The following MBD5 variants were observed in gnomAD, a reference collection of about 807,000 sequenced individuals.
MBD5 encodes methyl-CpG-binding domain protein 5.
In MBD5, 13 loss-of-function variants were observed where a neutral mutation model predicts 117.3. The observed-to-expected ratio is 0.11, with a 90% CI of 0.07 to 0.18. MBD5 has a LOEUF of 0.18. Among genes scored for constraint, MBD5 ranks in the 10% least tolerant of loss-of-function variants. The pLI is 1.00. For missense variants in MBD5, 1,879 were observed against 2,093.8 expected, an observed-to-expected ratio of 0.90 and a Z score of 2.00; for synonymous variants, 727 against 766.4, an observed-to-expected ratio of 0.95 and a Z score of 0.85.
At chr2:148,041,685 G>A (rs756949046) in intron 1 of MBD5, among the ~76,000 whole-genome samples, 2 of 152,066 alleles carry the variant, frequency 1.3e-5, no homozygotes, top group Non-Finnish European at 2.9e-5. Flanking sequence ...ACAAACACTC[G>A]TTATTCTAAA....
chr2:148,414,418 A>C (rs1705359800), intron 4 of MBD5, among the ~76,000 whole-genome samples: 1 of 152,150 alleles, frequency 6.6e-6, no homozygotes, highest in African/African-American at 2.4e-5. Flanking sequence ...CCATGTGCAT[A>C]TGAGAAGAAT....
chr2:148,179,370 A>G (rs962752573), intron 2 of MBD5, among the ~76,000 whole-genome samples: 3 of 151,766 alleles, frequency 2.0e-5, no homozygotes, highest in Non-Finnish European at 4.4e-5. Flanking sequence ...AAAAAAAAAA[A>G]GTAACTTCTA....
chr2:148,408,971 T>C (rs946243230), intron 4 of MBD5, among the ~76,000 whole-genome samples: 1 of 152,182 alleles, frequency 6.6e-6, no homozygotes, highest in Non-Finnish European at 1.5e-5. Flanking sequence ...GCAAATACTA[T>C]GTAATTTTAT....
At chr2:148,137,891 C>T (rs1697209661) in intron 1 of MBD5, among the ~76,000 whole-genome samples, 1 of 152,152 alleles carries the variant, frequency 6.6e-6, no homozygotes, top group South Asian at 2.1e-4. Context: ...TGGGCTGTGT[C>T]ATATAGCCTA....
intron 3 of MBD5, among the ~76,000 whole-genome samples, chr2:148,238,285 C>A (rs1174693240): frequency 6.6e-6 from 1 of 151,998 alleles, no homozygotes; most frequent in Admixed American, 6.6e-5. Flanking sequence ...AACATTATAC[C>A]AATGGTTATT....
chr2:148,085,100 C>A (rs1170483981), intron 1 of MBD5, among the ~76,000 whole-genome samples: 1 of 152,128 alleles, frequency 6.6e-6, no homozygotes, highest in Non-Finnish European at 1.5e-5. Flanking sequence ...AACAACACAG[C>A]AGGTTATGCC....
At chr2:148,168,710 T>A (rs1161275041) in intron 1 of MBD5, among the ~76,000 whole-genome samples, 1 of 151,904 alleles carries the variant, frequency 6.6e-6, no homozygotes, top group African/African-American at 2.4e-5. Flanking sequence ...GCTATTACAC[T>A]CCAGCCTGGG....
At chr2:148,050,805 A>C (rs1694678723) in intron 1 of MBD5, among the ~76,000 whole-genome samples, 1 of 152,104 alleles carries the variant, frequency 6.6e-6, no homozygotes, top group East Asian at 1.9e-4. Flanking sequence ...TGATTACTGT[A>C]GCTTTGTGTA....
At chr2:148,072,509 TTTA>T (rs1483258830) in intron 1 of MBD5, among the ~76,000 whole-genome samples, 1 of 152,228 alleles carries the variant, frequency 6.6e-6, no homozygotes, top group East Asian at 1.9e-4. Flanking sequence ...TTGTGAATTA[TTTA>T]AGCTTAGAAT....
At chr2:148,487,822 T>C (rs181973579) in intron 10 of MBD5, among the ~76,000 whole-genome samples, 9 of 152,316 alleles carry the variant, frequency 5.9e-5, no homozygotes, top group Admixed American at 5.9e-4. Context: ...GTATACGTAT[T>C]CCATAACATC....
chr2:148,181,756 A>T lies in MBD5; in HGVS notation c.-831+2963A>T, dbSNP rs185650519. On this transcript the variant is annotated intron_variant, in intron 2 of 13. Coordinates refer to ENST00000642680, the MANE Select transcript of MBD5 (RefSeq NM_001378120.1). ...TTCCTATCAGTTTAGATATTATAAAATATCTGCTTCCATTCTTTCAACTTT... is the reference window on the plus strand; with the variant it reads ...TTCCTATCAGTTTAGATATTATAAATTATCTGCTTCCATTCTTTCAACTTT... Among the ~76,000 whole-genome samples, 864 of 152,250 alleles carry T rather than the reference A, an allele frequency of 5.7e-3. 7 individuals carry two copies. Among genetic ancestry groups the T allele is most frequent in the Non-Finnish European group, 9.7e-3 (662 of 68,006 alleles).
At chr2:148,329,808 G>A (rs1702583795) in intron 3 of MBD5, among the ~76,000 whole-genome samples, 1 of 151,882 alleles carries the variant, frequency 6.6e-6, no homozygotes, top group Non-Finnish European at 1.5e-5. Context: ...AGGGTACTTT[G>A]GTTTTTATAA....
rs750120669 is a variant in MBD5 at position 148,469,772 on chromosome 2, G to A, written c.1829G>A (p.Gly610Asp). ...SSSSNSGAVA[G>D]SGNTEGHSTL... ...AGTAGCAATTCTGGAGCTGTTGCCG[G>A]CAGTGGCAACACTGAAGGACATAGC... Residue 610 changes from glycine (G) to aspartate (D), a missense_variant, in exon 8 of 14, where the codon GGC becomes GAC. Around this residue, in one of 4 missense-constraint regions of MBD5, gnomAD observed 1,666 missense variants for 1,792.2 expected, o/e 0.93. Transcript: ENST00000642680. 4 of 1,613,918 alleles carry A rather than the reference G, an allele frequency of 2.5e-6. No individual in the cohort carries two copies. Among genetic ancestry groups the A allele is most frequent in the Admixed American group, 3.3e-5 (2 of 59,988 alleles).
intron 5 of MBD5, among the ~76,000 whole-genome samples, chr2:148,462,002 C>T (rs184855667): frequency 1.3e-5 from 2 of 152,052 alleles, no homozygotes; most frequent in Admixed American, 1.3e-4. Context: ...AGTGTATCTT[C>T]GGATATAACT....
At chr2:148,226,755 T>C (rs867143384) in intron 2 of MBD5, among the ~76,000 whole-genome samples, 1,957 of 152,198 alleles carry the variant, frequency 0.013, 36 homozygotes, top group African/African-American at 0.044. Flanking sequence ...CCTATTTCTC[T>C]ACATCCTCTC....
intron 4 of MBD5, among the ~76,000 whole-genome samples, chr2:148,408,529 G>T (rs1469090150): frequency 1.3e-5 from 2 of 152,078 alleles, no homozygotes; most frequent in African/African-American, 2.4e-5. Flanking sequence ...GAATTCCAAG[G>T]ACATTTACAT....
At chr2:148,464,049 C>T (rs1210520235) in intron 7 of MBD5, 130 bp downstream of exon 7, 1 of 942,152 alleles carries the variant, frequency 1.1e-6, no homozygotes, top group Non-Finnish European at 1.6e-6. Context: ...TCTGTATGTC[C>T]TGTAATTTTA....
chr2:148,365,892 G>A (rs1703682972), intron 4 of MBD5, among the ~76,000 whole-genome samples: 1 of 151,190 alleles, frequency 6.6e-6, no homozygotes, highest in African/African-American at 2.4e-5. Context: ...AATTCTACCA[G>A]AAGTACAAAG....
chr2:148,377,017 G>A (rs1430488652), intron 4 of MBD5, among the ~76,000 whole-genome samples: 1 of 148,840 alleles, frequency 6.7e-6, no homozygotes, highest in Non-Finnish European at 1.5e-5. Flanking sequence ...TATATATATG[G>A]GATATGTATA....
Sources: allele counts gnomAD v4.1 joint callset (sites outside exome capture counted in the v4.1 genomes callset), GRCh38; gene constraint gnomAD v4.1.1; regional missense constraint gnomAD v4.1.1; transcripts MANE v1.5; gene names NCBI Gene and HGNC (gene_info 2026-07-23, HGNC 2026-07-21).